The following NEK10 variants were observed in gnomAD, a reference collection of about 807,000 sequenced individuals.
NEK10 encodes NIMA related kinase 10, also known as serine/threonine-protein kinase Nek10.
In NEK10, 122 loss-of-function variants were observed where a neutral mutation model predicts 159.8. The observed-to-expected ratio is 0.76, with a 90% CI of 0.66 to 0.89. The LOEUF is 0.89. NEK10 is among the 40% of genes least tolerant of loss of function. The pLI, the probability that NEK10 is intolerant of heterozygous loss-of-function variation, is 0.00. For synonymous variants in NEK10, 466 were observed against 457.1 expected, an observed-to-expected ratio of 1.02 and a Z score of -0.25; for missense variants, 1,342 against 1,323.1, an observed-to-expected ratio of 1.01 and a Z score of -0.22.
At chr3:27,350,377 T>C (rs1180468179) in intron 3 of NEK10, among the ~76,000 whole-genome samples, 1 of 152,166 alleles carries the variant, frequency 6.6e-6, no homozygotes, top group Non-Finnish European at 1.5e-5. Flanking sequence ...ACAAGCAAAG[T>C]ATAAATAAGT....
chr3:27,196,041 G>C (rs1949530306), intron 25 of NEK10, among the ~76,000 whole-genome samples: 1 of 152,128 alleles, frequency 6.6e-6, no homozygotes, highest in Non-Finnish European at 1.5e-5. Flanking sequence ...AAAGAAAGAA[G>C]TAAAAACTAA....
intron 1 of NEK10, among the ~76,000 whole-genome samples, chr3:27,368,687 G>A (rs998269557): frequency 1.3e-5 from 2 of 152,134 alleles, no homozygotes; most frequent in African/African-American, 2.4e-5. Context: ...CGTTAACTTG[G>A]CAGCTGGATT....
intron 23 of NEK10, among the ~76,000 whole-genome samples, chr3:27,208,349 A>G (rs1950704439): frequency 6.6e-6 from 1 of 152,182 alleles, no homozygotes; most frequent in Non-Finnish European, 1.5e-5. Flanking sequence ...CCATGCCTTG[A>G]TCTTCTTCTA....
rs879042576 is a variant in NEK10 at position 27,110,358 on chromosome 3, T to C, written c.*914A>G. On this transcript the variant is annotated 3_prime_UTR_variant, in exon 36 of 36. Transcript: ENST00000691995. ...CTGCCTCAATGAGTAAAAAAGGGAT[T>C]TAACTTATTTTCATTTCAAAATCCT... The C allele has an allele frequency of 3.3e-5, 5 of 152,174 alleles. No homozygotes were observed. In the South Asian group the frequency reaches 1.0e-3, roughly 31 times the overall value. 9.4% of individuals were successfully genotyped at this position (152,174 alleles called of 1,614,324 possible). A position where few individuals can be genotyped will look rare whatever the true frequency, so the allele number is the denominator to read the frequency against.
At chr3:27,201,430 T>C in intron 25 of NEK10, 80 bp downstream of exon 25, 1 of 1,202,874 alleles carries the variant, frequency 8.3e-7, no homozygotes, top group Non-Finnish European at 1.2e-6. Context: ...CATGACCTTT[T>C]ATCCATAAAT....
intron 16 of NEK10, 78 bp downstream of exon 16, chr3:27,293,510 T>G: frequency 1.4e-6 from 1 of 703,930 alleles, no homozygotes; most frequent in Admixed American, 2.9e-5. Context: ...CTGTTGCATC[T>G]AAGCCAAGTA....
At chr3:27,342,021 T>C (rs2149772575) in intron 5 of NEK10, among the ~76,000 whole-genome samples, 1 of 152,270 alleles carries the variant, frequency 6.6e-6, no homozygotes, top group East Asian at 1.9e-4. Flanking sequence ...TGTGTATATT[T>C]AGTACATTTT....
At chr3:27,126,043 C>T (rs1007490264) in intron 32 of NEK10, among the ~76,000 whole-genome samples, 5 of 152,102 alleles carry the variant, frequency 3.3e-5, no homozygotes, top group African/African-American at 1.2e-4. Flanking sequence ...TTCACAATGC[C>T]TCCATGGGGC....
rs1268662713 is a variant in NEK10, at chr3:27,343,149, T to C, written c.362+1123A>G. On this transcript the variant is annotated intron_variant, in intron 5 of 35. Transcript: ENST00000691995. ...AAATTAAGTACAAAGGGATGACAGA[T>C]GCAGTCTCAATTCTGTATTGTTTTA... Among the ~76,000 whole-genome samples the C allele has an allele frequency of 2.0e-5, 3 of 152,206 alleles. 1 individual carries two copies. The highest frequency in any genetic ancestry group is 3.8e-4 in the East Asian group (2 of 5,200).
intron 22 of NEK10, among the ~76,000 whole-genome samples, chr3:27,269,764 G>C (rs1483419920): frequency 6.6e-6 from 1 of 152,050 alleles, no homozygotes; most frequent in African/African-American, 2.4e-5. Context: ...GTTCTTTATT[G>C]GGTTATCTTT....
chr3:27,162,914 T>C (rs993639912), intron 29 of NEK10, 176 bp from the exon 30 acceptor site: 3 of 368,766 alleles, frequency 8.1e-6, no homozygotes, highest in African/African-American at 2.2e-5. Context: ...AACAGTACAA[T>C]TGACATTCTA....
At chr3:27,353,720 C>T (rs2048134189) in intron 1 of NEK10, among the ~76,000 whole-genome samples, 3 of 152,070 alleles carry the variant, frequency 2.0e-5, no homozygotes, top group Admixed American at 2.0e-4. Context: ...TTTCATTCAA[C>T]AAATATTTAT....
Position 27,141,183 on chromosome 3 carries a change from A to G in NEK10, c.2970+299T>C, listed in dbSNP as rs550126352. On this transcript the variant is annotated intron_variant, in intron 31 of 35. Transcript: ENST00000691995. Reference sequence around the variant, plus strand: ...GAGTAAAGCTGCTTAAGAGCAAAGAATCCCAACTCCGTCTCCACTTGCACC... The same window carrying G: ...GAGTAAAGCTGCTTAAGAGCAAAGAGTCCCAACTCCGTCTCCACTTGCACC... Among the ~76,000 whole-genome samples the G allele has an allele frequency of 1.1e-3, 161 of 152,302 alleles. 1 individual carries two copies. In the South Asian group the frequency reaches 0.031, roughly 30 times the overall value.
chr3:27,360,014 C>G (rs73055750), intron 1 of NEK10, among the ~76,000 whole-genome samples: 23,875 of 152,200 alleles, frequency 0.16, 2,061 homozygotes, highest in Non-Finnish European at 0.2. Flanking sequence ...AATAAACACA[C>G]ACACATTTTC....
At chr3:27,300,171 A>G (rs2043692417) in intron 13 of NEK10, among the ~76,000 whole-genome samples, 1 of 152,184 alleles carries the variant, frequency 6.6e-6, no homozygotes, top group Admixed American at 6.5e-5. Flanking sequence ...TCATGGGAGG[A>G]ACCCAGTGAG....
At chr3:27,246,576 T>G (rs1955087222) in intron 23 of NEK10, among the ~76,000 whole-genome samples, 1 of 152,152 alleles carries the variant, frequency 6.6e-6, no homozygotes, top group South Asian at 2.1e-4. Flanking sequence ...TTTCAGTTAT[T>G]GTAAAATGTA....
At chr3:27,123,172 C>T (rs1941532759) in intron 32 of NEK10, among the ~76,000 whole-genome samples, 1 of 152,094 alleles carries the variant, frequency 6.6e-6, no homozygotes, top group Non-Finnish European at 1.5e-5. Context: ...GTGAGACTTG[C>T]AATCTGACTA....
intron 23 of NEK10, among the ~76,000 whole-genome samples, chr3:27,216,208 C>T (rs190603949): frequency 6.6e-6 from 1 of 152,262 alleles, no homozygotes; most frequent in African/African-American, 2.4e-5. Flanking sequence ...AAGAAAAGAA[C>T]CCCTGCCCAA....
At chr3:27,330,032 G>A (rs1165485236) in intron 5 of NEK10, among the ~76,000 whole-genome samples, 1 of 133,530 alleles carries the variant, frequency 7.5e-6, no homozygotes, top group Non-Finnish European at 1.7e-5. Flanking sequence ...TGACATAAAT[G>A]CTATGTAAGT....
Sources: gnomAD v4.1 joint callset for allele counts (sites outside exome capture counted in the v4.1 genomes callset) on GRCh38, gnomAD v4.1.1 for gene constraint, MANE v1.5 for transcripts, NCBI Gene and HGNC (gene_info 2026-07-23, HGNC 2026-07-21) for gene names.